Variants in ZNF454 observed in about 807,000 individuals in gnomAD.
ZNF454 encodes zinc finger protein 454.
A neutral mutation model predicts 48.2 loss-of-function variants in ZNF454; 30 were observed. The observed-to-expected ratio is 0.62, with a 90% CI of 0.47 to 0.84. The LOEUF is 0.84. ZNF454 is among the 40% of genes least tolerant of loss of function. ZNF454 has a pLI of 0.00. For missense variants in ZNF454, 510 were observed against 623.1 expected (o/e 0.82, Z 1.93); for synonymous variants, 204 against 211.4 (o/e 0.97, Z 0.30).
At chr5:178,943,288 A>G (rs553654037) in intron 2 of ZNF454, among the ~76,000 whole-genome samples, 4 of 152,194 alleles carry the variant, frequency 2.6e-5, no homozygotes, top group Admixed American at 6.5e-5. Context: ...TCATGGCAGA[A>G]GGTGAAGGGG....
intron 4 of ZNF454, among the ~76,000 whole-genome samples, chr5:178,959,451 C>A (rs1484574204): frequency 6.6e-6 from 1 of 152,196 alleles, no homozygotes. Flanking sequence ...GACGTAAATT[C>A]TCCAGTTTTG....
At chr5:178,951,344 G>C (rs2113215596) in intron 4 of ZNF454, among the ~76,000 whole-genome samples, 1 of 152,278 alleles carries the variant, frequency 6.6e-6, no homozygotes, top group East Asian at 1.9e-4. Context: ...TCACCATCCA[G>C]CTTGGGTACT....
chr5:178,966,690 C>T (rs1329677975), downstream of ZNF454, among the ~76,000 whole-genome samples: 1 of 152,176 alleles, frequency 6.6e-6, no homozygotes, highest in African/African-American at 2.4e-5. Context: ...GATTCTCTTA[C>T]ATAAGAGAGT....
Position 178,965,543 on chromosome 5 carries a change from G to T in ZNF454, c.1139G>T (p.Gly380Val). The T allele has an allele frequency of 6.2e-7, 1 of 1,614,088 alleles. No homozygotes were observed. The highest frequency in any genetic ancestry group is 8.5e-7 in the Non-Finnish European group (1 of 1,180,014). The change falls in exon 5 of 5, where the codon GGA becomes GTA. Residue 380 changes from glycine to valine, a missense_variant. Around this residue, in one of 3 missense-constraint regions of ZNF454, gnomAD observed 153 missense variants for 195.8 expected, o/e 0.78. Coordinates refer to ENST00000519564, the MANE Select transcript of ZNF454 (RefSeq NM_001178089.3). The surrounding 1 kb of genome is among the most constrained non-coding windows in gnomAD (Gnocchi z 5.2). Reference protein sequence around the residue: ...SLTEHQRIHTGEKPYKCNECG... With the variant: ...SLTEHQRIHTVEKPYKCNECG... ...ACTGAACATCAGAGAATTCATACTG[G>T]AGAGAAACCTTATAAATGTAATGAA...
intron 2 of ZNF454, among the ~76,000 whole-genome samples, chr5:178,943,048 G>A (rs974598321): frequency 2.6e-5 from 4 of 152,124 alleles, no homozygotes; most frequent in African/African-American, 9.7e-5. Context: ...GTCACAGCTG[G>A]GACTGGAACC....
chr5:178,978,593 G>A, the ZNF454 span: 1 of 152,178 alleles, frequency 6.6e-6, no homozygotes, highest in East Asian at 1.9e-4. Flanking sequence ...GGTGGTTAAA[G>A]CTTACATCAG....
At position 178,941,641 on chromosome 5, in the gene ZNF454, G is replaced by A. The variant is rs993681581; in HGVS notation, c.-108+197G>A. Among the ~76,000 whole-genome samples the A allele has an allele frequency of 6.6e-6, 1 of 152,154 alleles. No individual in the cohort carries two copies. Among genetic ancestry groups the A allele is most frequent in the Admixed American group, 6.5e-5 (1 of 15,276 alleles). ...TGGCGTGGTTCCGAGTCCTGCGCCA[G>A]GAACTCGCCAAGGCCGGAGGCAGCC... On this transcript the variant is annotated intron_variant, in intron 1 of 4. Coordinates refer to ENST00000519564, the MANE Select transcript of ZNF454 (RefSeq NM_001178089.3). The surrounding 1 kb of genome is among the most constrained non-coding windows in gnomAD (Gnocchi z 5.5).
downstream of ZNF454, among the ~76,000 whole-genome samples, chr5:178,971,248 T>A (rs1010606958): frequency 2.6e-5 from 4 of 152,078 alleles, 1 homozygote; most frequent in Non-Finnish European, 5.9e-5. Flanking sequence ...ACCTGAGTGT[T>A]CAGGAGGCAG....
the ZNF454 span, among the ~76,000 whole-genome samples, chr5:178,984,278 G>A: frequency 8.7e-6 from 1 of 114,326 alleles, no homozygotes; most frequent in Non-Finnish European, 2.2e-5. Context: ...CCGTGGAGTG[G>A]GGAGCGAGCG....
Position 178,946,030 on chromosome 5 carries a change from C to G in ZNF454, c.34-329C>G, listed in dbSNP as rs1235659130. Among the ~76,000 whole-genome samples the G allele has an allele frequency of 3.3e-5, 5 of 151,988 alleles. No individual in the cohort carries two copies. Among genetic ancestry groups the G allele is most frequent in the East Asian group, 1.9e-4 (1 of 5,182 alleles). On this transcript the variant is annotated intron_variant, in intron 2 of 4. Transcript: ENST00000519564. This position sits in a 1 kb window ranked among gnomAD's most constrained non-coding sequence, Gnocchi z 4.5. ...CTGAGACCTGCGTAGGATTTGGTCC[C>G]CTGGGGTGAGCGGAGAGGCAGGGCT... is the stretch of plus-strand genomic sequence containing the variant.
the ZNF454 span, chr5:178,989,217 A>AGCCCC: frequency 2.1e-6 from 2 of 954,824 alleles, no homozygotes; most frequent in Non-Finnish European, 2.9e-6. Context: ...CCCCACCCTC[A>AGCCCC]CCACCCTCCC....
the ZNF454 span, chr5:178,989,718 T>A: frequency 2.2e-6 from 1 of 459,772 alleles, no homozygotes; most frequent in Non-Finnish European, 4.0e-6. Flanking sequence ...TTTGAAAGAC[T>A]TTTATCCCTG....
intron 4 of ZNF454, among the ~76,000 whole-genome samples, chr5:178,952,482 G>T (rs1759598385): frequency 6.6e-6 from 1 of 152,128 alleles, no homozygotes; most frequent in Non-Finnish European, 1.5e-5. Context: ...TTATCAGTTT[G>T]TATGAATGTC....
At chr5:178,953,109 G>A (rs1759621519) in intron 4 of ZNF454, among the ~76,000 whole-genome samples, 1 of 149,012 alleles carries the variant, frequency 6.7e-6, no homozygotes, top group South Asian at 2.2e-4. Flanking sequence ...ACATGTTTGT[G>A]TTGCTACCTC....
chr5:178,975,150 A>C, the ZNF454 span, among the ~76,000 whole-genome samples: 1 of 152,190 alleles, frequency 6.6e-6, no homozygotes, highest in Admixed American at 6.5e-5. Flanking sequence ...TCTACTAAAA[A>C]TACAAAAATT....
the ZNF454 span, chr5:178,983,335 G>C: frequency 1.1e-6 from 1 of 902,614 alleles, no homozygotes; most frequent in Non-Finnish European, 1.8e-6. Context: ...CTATGGAGGG[G>C]ATGCTCCACC....
At chr5:178,954,667 A>G (rs112664980) in intron 4 of ZNF454, among the ~76,000 whole-genome samples, 3,625 of 152,324 alleles carry the variant, frequency 0.024, 147 homozygotes, top group African/African-American at 0.082. Flanking sequence ...ATCAAGGAAG[A>G]CAACATTTTT....
chr5:178,985,621 T>G, the ZNF454 span: 72 of 360,348 alleles, frequency 2.0e-4, no homozygotes, highest in Admixed American at 7.5e-4. Context: ...GAGAATGGCG[T>G]GAACCCGGAA....
In ZNF454 at chr5:178,942,731, C is replaced by G. The variant is rs1208519536; in HGVS notation, c.-61C>G. On this transcript the variant is annotated 5_prime_UTR_variant, in exon 2 of 5. Transcript: ENST00000519564. ...CCTGAGGAGTCCTGCAGGTGTGAAG[C>G]TCCACACCTGCCTCCATAGCACTTT... The G allele has an allele frequency of 1.2e-6, 2 of 1,603,300 alleles. No individual in the cohort carries two copies.
Sources: allele counts gnomAD v4.1 joint callset (sites outside exome capture counted in the v4.1 genomes callset), GRCh38; gene constraint gnomAD v4.1.1; regional missense constraint gnomAD v4.1.1; non-coding constraint Gnocchi (gnomAD v3.1); transcripts MANE v1.5; gene names NCBI Gene and HGNC (gene_info 2026-07-23, HGNC 2026-07-21).